The following SFMBT2 variants were observed in gnomAD, a reference collection of about 807,000 sequenced individuals.
SFMBT2 encodes scm-like with four MBT domains protein 2.
Under a neutral mutation model 110.1 loss-of-function variants are expected in SFMBT2, and 38 were observed. The observed-to-expected ratio is 0.35, with a 90% confidence interval of 0.27 to 0.45. The LOEUF (loss-of-function observed/expected upper bound fraction) is 0.45. Ranked by LOEUF, SFMBT2 falls within the 20% of genes least tolerant of loss-of-function variation. The pLI is 1.00. For missense variants in SFMBT2, 1,011 were observed against 1,094.9 expected, an observed-to-expected ratio of 0.92 and a Z score of 1.08; for synonymous variants, 425 against 425.4, an observed-to-expected ratio of 1.00 and a Z score of 0.01.
Position 7,170,232 on chromosome 10 carries a change from T to C in SFMBT2, c.2544+696A>G, listed in dbSNP as rs1023876927. Among the ~76,000 whole-genome samples the C allele has an allele frequency of 6.6e-6, 1 of 152,198 alleles. No individual in the cohort carries two copies. The highest frequency in any genetic ancestry group is 2.4e-5 in the African/African-American group (1 of 41,450). ...TTGTGGTTGCTGTTTGTGTGTGAGCTTCATGCCCCTGAGACTTGGAGCTGA... is the reference window on the plus strand; with the variant it reads ...TTGTGGTTGCTGTTTGTGTGTGAGCCTCATGCCCCTGAGACTTGGAGCTGA... On this transcript the variant is annotated intron_variant, in intron 20 of 20. Transcript: ENST00000397167. This position sits in a 1 kb window ranked among gnomAD's most constrained non-coding sequence, Gnocchi z 4.6.
intron 7 of SFMBT2, among the ~76,000 whole-genome samples, chr10:7,265,296 G>T (rs1166526175): frequency 6.6e-6 from 1 of 151,806 alleles, no homozygotes; most frequent in East Asian, 1.9e-4. Flanking sequence ...CCGCCTCCCG[G>T]GTTCAAGTGA....
At chr10:7,214,549 T>C in intron 11 of SFMBT2, 7 of 985,246 alleles carry the variant, frequency 7.1e-6, no homozygotes, top group Non-Finnish European at 8.4e-6. Flanking sequence ...TAAATACCTA[T>C]GAGGAAATTC....
chr10:7,299,690 C>G (rs1223369911), intron 4 of SFMBT2, among the ~76,000 whole-genome samples: 3 of 152,106 alleles, frequency 2.0e-5, no homozygotes, highest in Admixed American at 6.5e-5. Flanking sequence ...CCTCAAAGAT[C>G]TAGAACCAGA....
intron 4 of SFMBT2, among the ~76,000 whole-genome samples, chr10:7,308,773 G>T (rs1008801856): frequency 2.0e-5 from 3 of 152,150 alleles, no homozygotes; most frequent in African/African-American, 7.2e-5. Context: ...ACATTATGCA[G>T]ACATGAATGC....
intron 4 of SFMBT2, among the ~76,000 whole-genome samples, chr10:7,315,071 A>G (rs1007565375): frequency 4.2e-5 from 6 of 143,910 alleles, no homozygotes; most frequent in Non-Finnish European, 7.8e-5. Flanking sequence ...AAAGAAAGAA[A>G]GAAAGAAAGA....
At chr10:7,241,840 G>A (rs1840439464) in intron 9 of SFMBT2, among the ~76,000 whole-genome samples, 1 of 152,138 alleles carries the variant, frequency 6.6e-6, no homozygotes, top group South Asian at 2.1e-4. Context: ...CCATAATGGA[G>A]TGATCAAGCA....
intron 7 of SFMBT2, among the ~76,000 whole-genome samples, chr10:7,276,167 C>A (rs1841768223): frequency 6.6e-6 from 1 of 152,180 alleles, no homozygotes; most frequent in Non-Finnish European, 1.5e-5. Flanking sequence ...ATTTCACAAG[C>A]CCTTCATTTT....
At chr10:7,198,369 T>C (rs1477428869) in intron 14 of SFMBT2, among the ~76,000 whole-genome samples, 3 of 152,238 alleles carry the variant, frequency 2.0e-5, no homozygotes, top group African/African-American at 4.8e-5. Context: ...ATGAATATGA[T>C]TGTGAAAATC....
intron 4 of SFMBT2, among the ~76,000 whole-genome samples, chr10:7,362,216 G>A (rs949027019): frequency 2.6e-5 from 4 of 152,126 alleles, no homozygotes; most frequent in Admixed American, 6.5e-5. Flanking sequence ...AAGCAGGAAC[G>A]CTGCTCTGAA....
Position 7,216,452 on chromosome 10 carries a change from C to T in SFMBT2, c.1330+3959G>A, listed in dbSNP as rs756329426. 1.9e-3 allele frequency among the ~76,000 whole-genome samples: 294 copies of T among 152,296 alleles called. 1 individual carries two copies. Among genetic ancestry groups the T allele is most frequent in the Non-Finnish European group, 3.5e-3 (237 of 68,028 alleles). Reference sequence around the variant, plus strand: ...CCGCCATGTAAGACGTGATTTTCAGCTTCCGCCATGATTGTGAGGCCTATC... The same window carrying T: ...CCGCCATGTAAGACGTGATTTTCAGTTTCCGCCATGATTGTGAGGCCTATC... On this transcript the variant is annotated intron_variant, in intron 11 of 20. Transcript: ENST00000397167.
chr10:7,276,424 A>G (rs991996275), intron 7 of SFMBT2, among the ~76,000 whole-genome samples: 3 of 152,238 alleles, frequency 2.0e-5, no homozygotes, highest in Admixed American at 1.3e-4. Flanking sequence ...GTCATTATGA[A>G]GATTATTTTT....
Position 7,163,977 on chromosome 10 carries a change from C to T in SFMBT2, c.2545-67G>A. 6.5e-7 allele frequency: 1 copy of T among 1,533,096 alleles called. No homozygotes were observed. Among genetic ancestry groups the T allele is most frequent in the Admixed American group, 2.0e-5 (1 of 50,290 alleles). The allele number at this position is 1,533,096 out of a possible 1,614,324, so 95.0% of individuals were successfully genotyped here. A position where few individuals can be genotyped will look rare whatever the true frequency, so the allele number is the denominator to read the frequency against. On this transcript the variant is annotated intron_variant, in intron 20 of 20. Transcript: ENST00000397167. The surrounding 1 kb of genome is among the most constrained non-coding windows in gnomAD (Gnocchi z 4.8). ...ACTGGGGTACACAGATGCGTCACAG[C>T]AGGCTCCAGTCCGGGGCCAAACATG...
intron 6 of SFMBT2, among the ~76,000 whole-genome samples, chr10:7,278,691 T>C (rs77187418): frequency 1.3e-5 from 2 of 152,300 alleles, no homozygotes; most frequent in East Asian, 1.9e-4. Context: ...AGGAAAAGCA[T>C]GATCTACCTG....
intron 4 of SFMBT2, among the ~76,000 whole-genome samples, chr10:7,320,155 T>C (rs539212228): frequency 6.6e-6 from 1 of 152,222 alleles, no homozygotes; most frequent in Non-Finnish European, 1.5e-5. Flanking sequence ...GCCAGATGCA[T>C]GGCTCATTAC....
intron 4 of SFMBT2, among the ~76,000 whole-genome samples, chr10:7,306,369 G>A (rs1282880397): frequency 6.6e-6 from 1 of 152,210 alleles, no homozygotes. Context: ...AAAATTATAT[G>A]AAATTCAAAT....
At chr10:7,362,757 G>A (rs1844764622) in intron 4 of SFMBT2, among the ~76,000 whole-genome samples, 1 of 152,204 alleles carries the variant, frequency 6.6e-6, no homozygotes, top group South Asian at 2.1e-4. Flanking sequence ...ATTCTTTATG[G>A]GGGAAAATTC....
intron 7 of SFMBT2, among the ~76,000 whole-genome samples, chr10:7,254,397 A>G (rs1840926945): frequency 6.6e-6 from 1 of 152,028 alleles, no homozygotes; most frequent in South Asian, 2.1e-4. Flanking sequence ...CCAGACTGAG[A>G]AGGAACTTCA....
At chr10:7,283,847 GA>G in intron 6 of SFMBT2, 56 bp downstream of exon 6, 4 of 1,184,084 alleles carry the variant, frequency 3.4e-6, no homozygotes, top group Middle Eastern at 3.9e-4. Context: ...ACACATCCAG[GA>G]AAATATCACA....
intron 7 of SFMBT2, among the ~76,000 whole-genome samples, chr10:7,257,973 C>T (rs937227156): frequency 1.3e-5 from 2 of 152,156 alleles, no homozygotes; most frequent in Non-Finnish European, 2.9e-5. Flanking sequence ...TCTCTGCCAC[C>T]CGGGCTGAAG....
Sources: gnomAD v4.1 joint callset for allele counts (sites outside exome capture counted in the v4.1 genomes callset) on GRCh38, gnomAD v4.1.1 for gene constraint, Gnocchi (gnomAD v3.1) non-coding constraint, MANE v1.5 for transcripts, NCBI Gene and HGNC (gene_info 2026-07-23, HGNC 2026-07-21) for gene names.